SHROOM2: variants seen among roughly 807,000 people sequenced by gnomAD.
SHROOM2 encodes shroom family member 2, also known as protein Shroom2.
Under a neutral mutation model 75.9 loss-of-function variants are expected in SHROOM2, and 33 were observed. That is an observed-to-expected ratio of 0.43 (90% CI 0.33 to 0.58). The LOEUF is 0.58. Ranked by LOEUF, SHROOM2 falls within the 20% of genes least tolerant of loss-of-function variation. The pLI is 0.04. For missense variants in SHROOM2, 1,434 were observed against 1,461.2 expected, an observed-to-expected ratio of 0.98 and a Z score of 0.30; for synonymous variants, 655 against 663.6, an observed-to-expected ratio of 0.99 and a Z score of 0.20.
intron 5 of SHROOM2, among the ~76,000 whole-genome samples, chrX:9,931,326 C>G (rs2084646268): frequency 9.1e-6 from 1 of 109,767 alleles, no homozygotes; most frequent in African/African-American, 3.3e-5. Flanking sequence ...CCAGCCTGAC[C>G]AACATGGTGA....
intron 1 of SHROOM2, among the ~76,000 whole-genome samples, chrX:9,856,799 G>A (rs2084073014): frequency 8.9e-6 from 1 of 111,928 alleles, no homozygotes; most frequent in Non-Finnish European, 1.9e-5. Flanking sequence ...AGAAGAAAAG[G>A]GAAAGGGTGG....
In SHROOM2 at chrX:9,947,236, G is replaced by A. The variant is rs1424878208; in HGVS notation, c.*299G>A. On this transcript the variant is annotated 3_prime_UTR_variant, in exon 10 of 10. Coordinates refer to ENST00000380913, the MANE Select transcript of SHROOM2 (RefSeq NM_001649.4). The stretch of plus-strand genomic sequence containing the variant: ...GTGGGCTGGGCCTGTGGTGCCTGCC[G>A]AGTGGTCACTGTCAGTGGGAAACCC... The A allele has an allele frequency of 9.7e-6, 3 of 310,250 alleles. No homozygotes were observed. Among genetic ancestry groups the A allele is most frequent in the African/African-American group, 2.7e-5 (1 of 37,371 alleles). 25.6% of individuals were successfully genotyped at this position (310,250 alleles called of 1,213,427 possible).
chrX:9,792,161 A>AGAATAGAATAGAATAGAAT lies in SHROOM2; in HGVS notation c.165+5451_165+5452insGAATAGAATAGAATAGAAT, dbSNP rs1491434689. Among the ~76,000 whole-genome samples the AGAATAGAATAGAATAGAAT allele has an allele frequency of 2.0e-5, 2 of 99,803 alleles. 1 individual carries two copies. The allele number at this position is 99,803 out of a possible 115,157, so 86.7% of individuals were successfully genotyped here. On this transcript the variant is annotated intron_variant, in intron 1 of 9. Transcript: ENST00000380913. ...GAATAGAATAGAATAGAATAGAATA[A>AGAATAGAATAGAATAGAAT]TCACCAGTATCTGATACAGGGAGGG...
intron 1 of SHROOM2, among the ~76,000 whole-genome samples, chrX:9,845,436 C>T (rs1241209876): frequency 8.9e-6 from 1 of 112,092 alleles, no homozygotes; most frequent in African/African-American, 3.2e-5. Flanking sequence ...AACTTCTCCC[C>T]CTGCTTCCTG....
chrX:9,813,648 T>G (rs1002434675), intron 1 of SHROOM2, among the ~76,000 whole-genome samples: 2 of 111,811 alleles, frequency 1.8e-5, no homozygotes, highest in Non-Finnish European at 3.8e-5. Context: ...GGAAATTGAT[T>G]GAGGGGCTGT....
intron 3 of SHROOM2, among the ~76,000 whole-genome samples, chrX:9,891,546 C>T (rs1026469993): frequency 8.0e-5 from 9 of 112,504 alleles, no homozygotes; most frequent in African/African-American, 2.9e-4. Flanking sequence ...GAGTTAGTGG[C>T]AGTATCCTCA....
intron 1 of SHROOM2, among the ~76,000 whole-genome samples, chrX:9,801,013 C>T (rs1223574343): frequency 9.0e-6 from 1 of 111,332 alleles, no homozygotes; most frequent in Non-Finnish European, 1.9e-5. Context: ...CGCTGCCAGA[C>T]ATACCCGAGA....
At chrX:9,936,486 G>A (rs950849966) in intron 6 of SHROOM2, among the ~76,000 whole-genome samples, 1 of 111,978 alleles carries the variant, frequency 8.9e-6, no homozygotes, top group Admixed American at 9.5e-5. Flanking sequence ...TGCTTACTGC[G>A]AGATCGTATC....
chrX:9,819,539 C>T (rs1358965734), intron 1 of SHROOM2: 2 of 205,917 alleles, frequency 9.7e-6, no homozygotes, highest in African/African-American at 6.0e-5. Flanking sequence ...TATCTTCTGT[C>T]TGGAGAAGAA....
chrX:9,847,544 A>G (rs1320742877), intron 1 of SHROOM2, among the ~76,000 whole-genome samples: 1 of 112,156 alleles, frequency 8.9e-6, no homozygotes, highest in African/African-American at 3.2e-5. Flanking sequence ...CAGAGGGAAA[A>G]GGGGGTTGGA....
Position 9,903,210 on chromosome X carries a change from T to A in SHROOM2, c.2891+4920T>A, listed in dbSNP as rs770219356. 3.0e-4 allele frequency among the ~76,000 whole-genome samples: 34 copies of A among 112,095 alleles called. 1 individual carries two copies. Among genetic ancestry groups the A allele is most frequent in the African/African-American group, 1.1e-3 (33 of 30,848 alleles). ...AGATTTATCATCCAAGCTCTCCCCC[T>A]CATTTGTCACTTTAGGGCAGATGTT... On this transcript the variant is annotated intron_variant, in intron 5 of 9. Transcript: ENST00000380913.
intron 7 of SHROOM2, 80 bp from the exon 8 acceptor site, chrX:9,939,115 G>C: frequency 2.2e-6 from 2 of 929,582 alleles, no homozygotes; most frequent in Non-Finnish European, 2.9e-6. Context: ...GTGTTGATTT[G>C]TCACAACCCA....
chrX:9,815,450 G>A (rs1282849220), intron 1 of SHROOM2, among the ~76,000 whole-genome samples: 2 of 103,272 alleles, frequency 1.9e-5, no homozygotes, highest in African/African-American at 7.3e-5. Context: ...GTGTGTGTGT[G>A]TGTGTGTGTG....
intron 5 of SHROOM2, among the ~76,000 whole-genome samples, chrX:9,931,127 TG>T (rs759864651): frequency 6.8e-4 from 76 of 111,399 alleles, no homozygotes; most frequent in African/African-American, 2.3e-3. Context: ...CTTCTTTGAG[TG>T]GGGTTGCTGT....
intron 2 of SHROOM2, among the ~76,000 whole-genome samples, chrX:9,890,516 C>CACCT (rs1481012264): frequency 8.8e-5 from 10 of 114,024 alleles, no homozygotes; most frequent in Non-Finnish European, 1.5e-4. Flanking sequence ...TGGTGCCGTG[C>CACCT]ACCTGCCTGA....
chrX:9,858,333 T>G (rs2146783224), intron 1 of SHROOM2, among the ~76,000 whole-genome samples: 1 of 112,465 alleles, frequency 8.9e-6, no homozygotes, highest in Admixed American at 9.4e-5. Flanking sequence ...AGTAAACAGC[T>G]GTGCGTTCTG....
chrX:9,813,078 C>T (rs751325239), intron 1 of SHROOM2, among the ~76,000 whole-genome samples: 1 of 112,126 alleles, frequency 8.9e-6, no homozygotes, highest in South Asian at 3.8e-4. Flanking sequence ...TCTTTCAAGT[C>T]CTTGATGGTG....
At chrX:9,833,507 A>G (rs1390753693) in intron 1 of SHROOM2, among the ~76,000 whole-genome samples, 1 of 110,969 alleles carries the variant, frequency 9.0e-6, no homozygotes, top group Non-Finnish European at 1.9e-5. Context: ...CCACCCCTGC[A>G]TCGGACCTCC....
chrX:9,884,271 C>G (rs2084247601), intron 2 of SHROOM2, among the ~76,000 whole-genome samples: 1 of 108,950 alleles, frequency 9.2e-6, no homozygotes, highest in Non-Finnish European at 1.9e-5. Context: ...GCTGGGGGCA[C>G]GAAACACAAA....
Sources: gnomAD v4.1 joint callset for allele counts (sites outside exome capture counted in the v4.1 genomes callset) on GRCh38, gnomAD v4.1.1 for gene constraint, MANE v1.5 for transcripts, NCBI Gene and HGNC (gene_info 2026-07-23, HGNC 2026-07-21) for gene names.